TJP3: variants seen among roughly 807,000 people sequenced by gnomAD.
TJP3 encodes the protein tight junction protein ZO-3.
Under a neutral mutation model 104.2 loss-of-function variants are expected in TJP3, and 85 were observed. The observed-to-expected ratio is 0.82, with a 90% CI of 0.68 to 0.98. The LOEUF is 0.98. Ranked by LOEUF, TJP3 falls within the 50% of genes least tolerant of loss-of-function variation. The probability of loss-of-function intolerance (pLI) is 0.00; values close to 1 mark genes in which losing one functional copy is unlikely to be tolerated. For synonymous variants in TJP3, 550 were observed against 550.6 expected (o/e 1.00, Z 0.02); for missense variants, 1,367 against 1,322.8 (o/e 1.03, Z -0.52).
At chr19:3,748,262 G>C (rs1200700453) in intron 19 of TJP3, among the ~76,000 whole-genome samples, 181 bp downstream of exon 19, 2 of 148,866 alleles carry the variant, frequency 1.3e-5, no homozygotes, top group African/African-American at 2.5e-5. Context: ...TGAGTAACTT[G>C]CAGCATTTTT....
In TJP3 at chr19:3,750,196, A is replaced by ATGCTG. The variant is rs2145711563; in HGVS notation, c.2657+13_2657+14insGCTGT. 6.4e-7 allele frequency: 1 copy of ATGCTG among 1,572,444 alleles called. No homozygotes were observed. The highest frequency in any genetic ancestry group is 1.9e-5 in the Admixed American group (1 of 53,752). ...CAGGACAGCATGCGGTAAGAACCCC[A>ATGCTG]TATTCCAGATTGGGGCCCTCAACCC... On this transcript the variant is annotated intron_variant, in intron 20 of 20. Coordinates refer to ENST00000541714, the MANE Select transcript of TJP3 (RefSeq NM_001267560.2).
In TJP3 at chr19:3,709,178, C is replaced by T. The variant is rs182697522; in HGVS notation, c.-10+617C>T. ...TTGCCCAGGCTGGAGTGCAGTGGTG[C>T]GATCTTGGCTCACTGCAACCTCTGC... On this transcript the variant is annotated intron_variant, in intron 1 of 20. Coordinates refer to ENST00000541714, the MANE Select transcript of TJP3 (RefSeq NM_001267560.2). Among the ~76,000 whole-genome samples the T allele has an allele frequency of 1.2e-3, 189 of 152,060 alleles. 1 individual carries two copies. The highest frequency in any genetic ancestry group is 2.4e-3 in the Non-Finnish European group (160 of 67,966).
Position 3,738,989 on chromosome 19 carries a change from T to G in TJP3, c.1486T>G (p.Phe496Val). The change falls in exon 13 of 21, where the codon TTC (phenylalanine) becomes GTC (valine). Residue 496 changes from phenylalanine to valine, a missense_variant. Phe to Val is a conservative substitution (Grantham distance 50). Coordinates refer to ENST00000541714, the MANE Select transcript of TJP3 (RefSeq NM_001267560.2). ...LEPSPPSGLG[F>V]TRGDVFHVLD... is the part of the protein sequence containing the mutation. ...GCCCAGTCCACCGTCTGGCCTGGGC[T>G]TCACCCGTGGCGACGTCTTCCACGT... The G allele has an allele frequency of 6.2e-7, 1 of 1,613,248 alleles. No homozygotes were observed. The highest frequency in any genetic ancestry group is 8.5e-7 in the Non-Finnish European group (1 of 1,179,864).
At chr19:3,731,839 TG>T in intron 5 of TJP3, 95 bp from the exon 6 acceptor site, 1 of 903,346 alleles carries the variant, frequency 1.1e-6, no homozygotes. Context: ...GGTGTTAGGA[TG>T]GGAGGGCCCG....
intron 12 of TJP3, 62 bp downstream of exon 12, chr19:3,738,725 C>A (rs1451649183): frequency 1.3e-6 from 2 of 1,492,214 alleles, no homozygotes; most frequent in Admixed American, 1.7e-5. Flanking sequence ...GCTGTGTGGC[C>A]TGGTGGTGAG....
chr19:3,730,253 G>T lies in TJP3; in HGVS notation c.262-102G>T. On this transcript the variant is annotated intron_variant, in intron 4 of 20. Transcript: ENST00000541714. This position sits in a 1 kb window ranked among gnomAD's most constrained non-coding sequence, Gnocchi z 7.3. ...CTCATCTTACAGTTTGGACATTGAG[G>T]CCCAGAGAGAGACTGGTGTCCCCCA... The T allele has an allele frequency of 1.3e-6, 2 of 1,483,356 alleles. No individual in the cohort carries two copies. Among genetic ancestry groups the T allele is most frequent in the African/African-American group, 2.8e-5 (2 of 72,148 alleles). The allele number at this position is 1,483,356 out of a possible 1,614,324, so 91.9% of individuals were successfully genotyped here. A position where few individuals can be genotyped will look rare whatever the true frequency, so the allele number is the denominator to read the frequency against.
chr19:3,730,582 G>A lies in TJP3; in HGVS notation c.489G>A (p.Arg163=), dbSNP rs776397003. 6.2e-7 allele frequency: 1 copy of A among 1,609,942 alleles called. No homozygotes were observed. ...RRGRAGSHGR[R]SPGGGSEANG... ...GCCGGGCCGGCAGCCATGGGCGTAG[G>A]AGCCCAGGTGGTGGCTCTGAGGCCA... is the stretch of plus-strand genomic sequence containing the variant. Residue 163 remains arginine, a synonymous_variant, in exon 5 of 21, where the codon AGG becomes AGA. Coordinates refer to ENST00000541714, the MANE Select transcript of TJP3 (RefSeq NM_001267560.2). This position sits in a 1 kb window ranked among gnomAD's most constrained non-coding sequence, Gnocchi z 7.3.
rs2036652612 is a variant in TJP3, at chr19:3,730,348, C to A, written c.262-7C>A. On this transcript the variant is annotated splice_region_variant and splice_polypyrimidine_tract_variant and intron_variant, in intron 4 of 20. Coordinates refer to ENST00000541714, the MANE Select transcript of TJP3 (RefSeq NM_001267560.2). The surrounding 1 kb of genome is among the most constrained non-coding windows in gnomAD (Gnocchi z 7.3). ...TAGCTGACCCTTCCTGTCCCCTCCT[C>A]TAACAGACAGTGAAACGTCCCCGGA... 1 of 1,515,674 alleles carries A rather than the reference C, an allele frequency of 6.6e-7. No individual in the cohort carries two copies. Among genetic ancestry groups the A allele is most frequent in the Non-Finnish European group, 8.8e-7 (1 of 1,130,858 alleles). The allele number at this position is 1,515,674 out of a possible 1,614,324, so 93.9% of individuals were successfully genotyped here. A position where few individuals can be genotyped will look rare whatever the true frequency, so the allele number is the denominator to read the frequency against.
chr19:3,727,547 T>G (rs1186267177), intron 1 of TJP3, among the ~76,000 whole-genome samples: 1 of 151,718 alleles, frequency 6.6e-6, no homozygotes, highest in Non-Finnish European at 1.5e-5. Flanking sequence ...AGTGTTTCAT[T>G]CATTCACTCA....
chr19:3,726,982 G>C (rs2036603392), intron 1 of TJP3, among the ~76,000 whole-genome samples: 1 of 151,834 alleles, frequency 6.6e-6, no homozygotes, highest in Non-Finnish European at 1.5e-5. Flanking sequence ...AGTTACTTGG[G>C]AGGCAGAGGT....
At chr19:3,743,061 C>T (rs555406958) in intron 14 of TJP3, among the ~76,000 whole-genome samples, 6 of 151,738 alleles carry the variant, frequency 4.0e-5, no homozygotes, top group Non-Finnish European at 8.8e-5. Flanking sequence ...GTCAGGAGTT[C>T]GAGATCAGCT....
At chr19:3,736,419 G>T in intron 11 of TJP3, 98 bp downstream of exon 11, 1 of 1,300,734 alleles carries the variant, frequency 7.7e-7, no homozygotes, top group East Asian at 2.7e-5. Context: ...GGTCCACCTG[G>T]GGACTGTCGA....
chr19:3,720,931 C>T (rs1196893258), intron 1 of TJP3, among the ~76,000 whole-genome samples: 7 of 115,090 alleles, frequency 6.1e-5, no homozygotes, highest in Non-Finnish European at 1.0e-4. Context: ...GAGACAGGGT[C>T]TCACTCTACT....
chr19:3,734,519 A>G, intron 8 of TJP3, 84 bp downstream of exon 8: 1 of 1,242,806 alleles, frequency 8.0e-7, no homozygotes, highest in African/African-American at 1.5e-5. Context: ...TAGCTTTCCA[A>G]CTGGGGGTAA....
chr19:3,721,554 C>T (rs904329739), intron 1 of TJP3: 16 of 202,432 alleles, frequency 7.9e-5, no homozygotes, highest in Non-Finnish European at 1.5e-4. Flanking sequence ...CTTGTCGGGC[C>T]GGGCTCTGGC....
Position 3,730,264 on chromosome 19 carries a change from G to C in TJP3, c.262-91G>C. 1 of 1,472,294 alleles carries C rather than the reference G, an allele frequency of 6.8e-7. No homozygotes were observed. 91.2% of individuals were successfully genotyped at this position (1,472,294 alleles called of 1,614,324 possible). ...GTTTGGACATTGAGGCCCAGAGAGA[G>C]ACTGGTGTCCCCCAGGGCCACCCGG... On this transcript the variant is annotated intron_variant, in intron 4 of 20. Transcript: ENST00000541714. The surrounding 1 kb of genome is among the most constrained non-coding windows in gnomAD (Gnocchi z 7.3).
chr19:3,710,726 G>T (rs916579710), intron 1 of TJP3, among the ~76,000 whole-genome samples: 1 of 151,992 alleles, frequency 6.6e-6, no homozygotes, highest in Non-Finnish European at 1.5e-5. Flanking sequence ...TACTGTATGC[G>T]CGAGTGTGGG....
intron 15 of TJP3, among the ~76,000 whole-genome samples, chr19:3,744,538 C>G (rs912943181): frequency 2.0e-5 from 3 of 152,108 alleles, no homozygotes; most frequent in African/African-American, 7.2e-5. Context: ...GTGGCGCGTA[C>G]CTGTAGTCCC....
chr19:3,716,333 A>G (rs1238100962), intron 1 of TJP3, among the ~76,000 whole-genome samples: 1 of 148,406 alleles, frequency 6.7e-6, no homozygotes, highest in Admixed American at 6.8e-5. Context: ...TCAGCCTCTC[A>G]AAGTGCTGGA....
Sources: allele counts gnomAD v4.1 joint callset (sites outside exome capture counted in the v4.1 genomes callset), GRCh38; gene constraint gnomAD v4.1.1; non-coding constraint Gnocchi (gnomAD v3.1); transcripts MANE v1.5; gene names NCBI Gene and HGNC (gene_info 2026-07-23, HGNC 2026-07-21).